The following KIF12 variants were observed in gnomAD, a reference collection of about 807,000 sequenced individuals.
The protein encoded by KIF12 is kinesin family member 12.
KIF12 carries 80 observed loss-of-function variants against 87.9 expected under a neutral mutation model. The observed-to-expected ratio is 0.91, with a 90% confidence interval of 0.76 to 1.10. KIF12 has a LOEUF of 1.10. KIF12 is among the 50% of genes least tolerant of loss of function. KIF12 has a pLI of 0.00. For synonymous variants in KIF12, 353 were observed against 348.5 expected (o/e 1.01, Z -0.14); for missense variants, 819 against 865.3 (o/e 0.95, Z 0.67).
chr9:114,092,463 T>C lies in KIF12; in HGVS notation c.1698-12A>G. ...AGTCACTGTGACTCCTGGGCCAGGG[T>C]GAGTTGGGAGATGGGAGGTGAGCCT... On this transcript the variant is annotated splice_polypyrimidine_tract_variant and intron_variant, in intron 17 of 18. Transcript: ENST00000640217. 6.2e-7 allele frequency: 1 copy of C among 1,613,038 alleles called. No individual in the cohort carries two copies. Among genetic ancestry groups the C allele is most frequent in the Non-Finnish European group, 8.5e-7 (1 of 1,179,536 alleles).
chr9:114,097,275 CA>C lies in KIF12; in HGVS notation c.646+25del, dbSNP rs777092956. On this transcript the variant is annotated intron_variant, in intron 7 of 18. Coordinates refer to ENST00000640217, the MANE Select transcript of KIF12 (RefSeq NM_001388308.1). The stretch of plus-strand genomic sequence containing the variant: ...ACTGAGGAATGGGCACCCCTACCCG[CA>C]AAACTCCCCGCTGTCAGCACACACC... The C allele has an allele frequency of 1.6e-5, 26 of 1,602,596 alleles. No individual in the cohort carries two copies. In the East Asian group the frequency reaches 4.7e-4, roughly 29 times the overall value.
rs201033769 is a variant in KIF12, at chr9:114,094,279, G to A, written c.1223-8C>T. 5.0e-5 allele frequency: 80 copies of A among 1,613,674 alleles called. No homozygotes were observed. The highest frequency in any genetic ancestry group is 1.6e-4 in the Middle Eastern group (1 of 6,084). On this transcript the variant is annotated splice_region_variant and splice_polypyrimidine_tract_variant and intron_variant, in intron 12 of 18. Transcript: ENST00000640217. ...CTCCACTGAGCCCTGAGGCTGCAGG[G>A]AAGCAGGAGGTGGTGGATCCACAGG...
In KIF12 at chr9:114,092,236, AC is replaced by A. The variant is rs1254988810; in HGVS notation, c.1816+96del. The A allele has an allele frequency of 1.7e-4, 258 of 1,477,504 alleles. 1 individual carries two copies. Among genetic ancestry groups the A allele is most frequent in the Middle Eastern group, 6.7e-4 (3 of 4,492 alleles). 91.5% of individuals were successfully genotyped at this position (1,477,504 alleles called of 1,614,324 possible). ...TCTTAGAAGCCACCTCTCAACACCC[AC>A]CCCATTTCAGAGATAAGACTGAGGC... On this transcript the variant is annotated intron_variant, in intron 18 of 18. Transcript: ENST00000640217.
At position 114,098,300 on chromosome 9, in the gene KIF12, A is replaced by AC; in HGVS notation, c.299+1dup. ...GCGGAGCGGAGGCGAAGCTTCACTC[A>AC]CCCGCGCAGCGCCAGCTCCCCCAGG... On this transcript the variant is annotated splice_donor_variant, in intron 4 of 18. Transcript: ENST00000640217. LOFTEE classifies it high-confidence loss of function. 2 of 1,470,060 alleles carry AC rather than the reference A, an allele frequency of 1.4e-6. No individual in the cohort carries two copies. The highest frequency in any genetic ancestry group is 1.8e-6 in the Non-Finnish European group (2 of 1,115,932). 91.1% of individuals were successfully genotyped at this position (1,470,060 alleles called of 1,614,324 possible). A position where few individuals can be genotyped will look rare whatever the true frequency, so the allele number is the denominator to read the frequency against.
At chr9:114,098,662 G>GGGGGACACCC (rs1847350460) in intron 3 of KIF12, among the ~76,000 whole-genome samples, 2 of 133,578 alleles carry the variant, frequency 1.5e-5, no homozygotes, top group African/African-American at 5.8e-5. Context: ...TCTGGGGAGG[G>GGGGGACACCC]TAGGACACCC....
chr9:114,098,476 GGC>G, intron 3 of KIF12, 47 bp from the exon 4 acceptor site: 1 of 1,424,028 alleles, frequency 7.0e-7, no homozygotes. Context: ...AGGAGGGCGG[GGC>G]ACCCTGGAGG....
intron 9 of KIF12, 42 bp from the exon 10 acceptor site, chr9:114,095,374 C>G (rs1247625656): frequency 2.5e-6 from 4 of 1,587,230 alleles, no homozygotes; most frequent in Non-Finnish European, 3.4e-6. Context: ...ACATCACTTG[C>G]CTAGGGCCAT....
At position 114,094,219 on chromosome 9, in the gene KIF12, C is replaced by T; in HGVS notation, c.1275G>A (p.Gly425=). Residue 425 remains glycine (G), a synonymous_variant, in exon 13 of 19, where the codon GGG becomes GGA. Transcript: ENST00000640217. ...RVAWAQRNLY[G]MLQEFMLENE... is the part of the protein sequence containing the mutation. ...TCTCTAGCATGAACTCCTGTAGCATCCCGTACAGGTTCCGCTGGGCCCAGG... is the reference window on the plus strand; with the variant it reads ...TCTCTAGCATGAACTCCTGTAGCATTCCGTACAGGTTCCGCTGGGCCCAGG... 1.2e-6 allele frequency: 2 copies of T among 1,613,974 alleles called. No homozygotes were observed. Among genetic ancestry groups the T allele is most frequent in the African/African-American group, 1.3e-5 (1 of 75,038 alleles).
Position 114,099,148 on chromosome 9 carries a change from C to T in KIF12, c.48G>A (p.Glu16=). The T allele has an allele frequency of 1.8e-5, 28 of 1,550,688 alleles. No homozygotes were observed. Among genetic ancestry groups the T allele is most frequent in the South Asian group, 2.4e-5 (2 of 84,064 alleles). ...GCGTTTCCGGCCCCTCTGGCCCTTG[C>T]TCCAGGCTCCGCGCGAGATCCCTGT... The part of the protein sequence containing the change: ...SPDGDLARSL[E]QGPEGPETPI... Residue 16 remains glutamate, a synonymous_variant, in exon 2 of 19, where the codon GAG becomes GAA. Transcript: ENST00000640217.
intron 15 of KIF12, 36 bp from the exon 16 acceptor site, chr9:114,093,369 C>A: frequency 6.4e-7 from 1 of 1,554,882 alleles, no homozygotes; most frequent in East Asian, 2.4e-5. Flanking sequence ...CATGACATCC[C>A]TACTTGTCAC....
chr9:114,094,727 C>A (rs1158169303), intron 11 of KIF12, among the ~76,000 whole-genome samples: 1 of 152,134 alleles, frequency 6.6e-6, no homozygotes, highest in Non-Finnish European at 1.5e-5. Flanking sequence ...TGGTTCCAAA[C>A]GAGACCCCAC....
At chr9:114,095,962 C>G (rs1041474588) in intron 9 of KIF12, 89 bp downstream of exon 9, 2 of 1,412,456 alleles carry the variant, frequency 1.4e-6, no homozygotes, top group African/African-American at 2.9e-5. Flanking sequence ...CTATTTACTA[C>G]AACTCCTCTG....
chr9:114,093,102 G>A (rs1217004415), intron 16 of KIF12, 127 bp downstream of exon 16: 1 of 1,145,652 alleles, frequency 8.7e-7, no homozygotes. Context: ...GGAGCCCTAG[G>A]CCAGCCATTC....
In KIF12 at chr9:114,096,212, G is replaced by A. The variant is rs779436408; in HGVS notation, c.739-5C>T. ...CACAGAAGGCATCTGCTGGGCCTGA[G>A]GGATCAGAGCTTCATGGGGACTTGG... On this transcript the variant is annotated splice_polypyrimidine_tract_variant and splice_region_variant and intron_variant, in intron 8 of 18. Coordinates refer to ENST00000640217, the MANE Select transcript of KIF12 (RefSeq NM_001388308.1). 2.5e-6 allele frequency: 4 copies of A among 1,613,744 alleles called. No homozygotes were observed. Among genetic ancestry groups the A allele is most frequent in the Admixed American group, 3.3e-5 (2 of 59,998 alleles).
intron 7 of KIF12, 116 bp from the exon 8 acceptor site, chr9:114,096,594 G>A (rs1169380753): frequency 3.5e-6 from 3 of 850,882 alleles, no homozygotes; most frequent in Non-Finnish European, 5.8e-6. Context: ...AAGGCAGGGA[G>A]GCAACAGAGT....
rs760560833 is a variant in KIF12, at chr9:114,098,322, C to A, written c.279G>T (p.Leu93=). Residue 93 remains leucine (L), a synonymous_variant, in exon 4 of 19, where the codon CTG becomes CTT. Transcript: ENST00000640217. ...CTCACCCGCGCAGCGCCAGCTCCCC[C>A]AGGCGCCGCACGCCGCACGCCCGGA... The part of the protein sequence containing the change: ...DVFRACGVRR[L]GELALRGFSC... 5 of 1,472,666 alleles carry A rather than the reference C, an allele frequency of 3.4e-6. No individual in the cohort carries two copies. Among genetic ancestry groups the A allele is most frequent in the Middle Eastern group, 4.7e-4 (2 of 4,248 alleles). The allele number at this position is 1,472,666 out of a possible 1,614,324, so 91.2% of individuals were successfully genotyped here. A position where few individuals can be genotyped will look rare whatever the true frequency, so the allele number is the denominator to read the frequency against.
chr9:114,093,051 G>C lies in KIF12; in HGVS notation c.1596+178C>G, dbSNP rs78849667. On this transcript the variant is annotated intron_variant, in intron 16 of 18. Coordinates refer to ENST00000640217, the MANE Select transcript of KIF12 (RefSeq NM_001388308.1). ...GCCCTGACAGGGCAGGGTGAGGAGG[G>C]GGGAGGGTGAGGCAAACAGCTATTT... 7,609 of 1,176,082 alleles carry C rather than the reference G, an allele frequency of 6.5e-3. 312 individuals are homozygous for C. In the African/African-American group the frequency reaches 0.097, roughly 15 times the overall value. The allele number at this position is 1,176,082 out of a possible 1,614,324, so 72.9% of individuals were successfully genotyped here.
chr9:114,093,000 TA>T lies in KIF12; in HGVS notation c.1596+228del, dbSNP rs1186164572. ...GTGAGTAGATATGTGAGTGAATGAA[TA>T]AGTGAATGACAGAATGAATTCCTGG... is the stretch of plus-strand genomic sequence containing the variant. On this transcript the variant is annotated intron_variant, in intron 16 of 18. Coordinates refer to ENST00000640217, the MANE Select transcript of KIF12 (RefSeq NM_001388308.1). 1.5e-5 allele frequency: 20 copies of T among 1,315,066 alleles called. No homozygotes were observed. The African/African-American group carries it at 2.7e-4, about 18-fold the overall frequency. 81.5% of individuals were successfully genotyped at this position (1,315,066 alleles called of 1,614,324 possible).
chr9:114,098,451 AGCGGGGCACTCTGGAGGAGG>A lies in KIF12; in HGVS notation c.172-42_172-23del. 6 of 1,344,510 alleles carry A rather than the reference AGCGGGGCACTCTGGAGGAGG, an allele frequency of 4.5e-6. No homozygotes were observed. In the South Asian group the frequency reaches 7.2e-5, roughly 16 times the overall value. The allele number at this position is 1,344,510 out of a possible 1,614,324, so 83.3% of individuals were successfully genotyped here. On this transcript the variant is annotated intron_variant, in intron 3 of 18. Transcript: ENST00000640217. ...TCACCTGGCGCGGGTGGGGCGGAGGAGCGGGGCACTCTGGAGGAGGGCGGGGCACCCTGGAGGGGCGGGGC... is the reference window on the plus strand; with the variant it reads ...TCACCTGGCGCGGGTGGGGCGGAGGAGCGGGGCACCCTGGAGGGGCGGGGC...
Sources: gnomAD v4.1 joint callset for allele counts (sites outside exome capture counted in the v4.1 genomes callset) on GRCh38, gnomAD v4.1.1 for gene constraint, MANE v1.5 for transcripts, NCBI Gene and HGNC (gene_info 2026-07-23, HGNC 2026-07-21) for gene names.